The following ABI1 variants were observed in gnomAD, a reference collection of about 807,000 sequenced individuals.
ABI1 encodes the protein Abelson interactor 1.
ABI1 carries 14 observed loss-of-function variants against 54.6 expected under a neutral mutation model. The ratio of observed to expected loss-of-function variants is 0.26; its 90% CI spans 0.17 to 0.40. The LOEUF is 0.40. Ranked by LOEUF, ABI1 falls within the 10% of genes least tolerant of loss-of-function variation. ABI1 has a pLI of 1.00. For synonymous variants in ABI1, 194 were observed against 209.3 expected (o/e 0.93, Z 0.63); for missense variants, 443 against 598.3 (o/e 0.74, Z 2.71).
In ABI1 at chr10:26,805,725, G is replaced by A. The variant is rs138177148; in HGVS notation, c.285+17413C>T. 4.5e-3 allele frequency among the ~76,000 whole-genome samples: 682 copies of A among 152,228 alleles called. 1 individual carries two copies. The highest frequency in any genetic ancestry group is 6.5e-3 in the Non-Finnish European group (444 of 68,014). On this transcript the variant is annotated intron_variant, in intron 2 of 10. Coordinates refer to ENST00000376140, the MANE Select transcript of ABI1 (RefSeq NM_001012750.3). ...TTTCCTTTGATTCAGGGCATATCAC[G>A]TCAGTCTGCCATCTGATGGTTCAGG...
intron 9 of ABI1, among the ~76,000 whole-genome samples, chr10:26,755,314 C>T (rs1229521331): frequency 6.6e-6 from 1 of 152,104 alleles, no homozygotes; most frequent in African/African-American, 2.4e-5. Context: ...TTAAAAATGT[C>T]TTCTAATTCT....
At chr10:26,754,145 C>G (rs1837974862) in intron 9 of ABI1, among the ~76,000 whole-genome samples, 1 of 152,114 alleles carries the variant, frequency 6.6e-6, no homozygotes, top group Non-Finnish European at 1.5e-5. Context: ...TCTATCCATC[C>G]ATCCATGCAT....
At chr10:26,841,133 G>A (rs1033966166) in intron 1 of ABI1, among the ~76,000 whole-genome samples, 8 of 152,092 alleles carry the variant, frequency 5.3e-5, no homozygotes, top group African/African-American at 1.9e-4. Context: ...GGCATGCAAA[G>A]CCTAAAATAT....
At chr10:26,817,019 T>TGTGTGA (rs747556215) in intron 2 of ABI1, among the ~76,000 whole-genome samples, 1 of 150,798 alleles carries the variant, frequency 6.6e-6, no homozygotes, top group Admixed American at 6.6e-5. Flanking sequence ...TGTGTGTGTG[T>TGTGTGA]GACGGAGTCT....
At position 26,860,714 on chromosome 10, in the gene ABI1, G is replaced by C. The variant is rs2051241690; in HGVS notation, c.117+33C>G. The C allele has an allele frequency of 1.3e-6, 2 of 1,583,910 alleles. No homozygotes were observed. The highest frequency in any genetic ancestry group is 1.3e-5 in the African/African-American group (1 of 74,326). On this transcript the variant is annotated intron_variant, in intron 1 of 10. Transcript: ENST00000376140. The surrounding 1 kb of genome is among the most constrained non-coding windows in gnomAD (Gnocchi z 4.1). ...GGTCACTCCGGCGGGTCCTCGACCC[G>C]GCCAGCGCCCGCCGGCCGCCAGAGC...
At chr10:26,753,844 A>T (rs1837933954) in intron 9 of ABI1, among the ~76,000 whole-genome samples, 1 of 152,196 alleles carries the variant, frequency 6.6e-6, no homozygotes, top group East Asian at 1.9e-4. Flanking sequence ...TATGTTTGGT[A>T]AAAAGAACTA....
rs78592141 is a variant in ABI1, at chr10:26,752,805, A to G, written c.1085-1022T>C. The stretch of plus-strand genomic sequence containing the variant: ...TCAGGTAAAAATGCTCCTAAAATTT[A>G]AAGAATTCAAAGCTGGAACCCAATT... On this transcript the variant is annotated intron_variant, in intron 9 of 10. Coordinates refer to ENST00000376140, the MANE Select transcript of ABI1 (RefSeq NM_001012750.3). Among the ~76,000 whole-genome samples, 312 of 152,302 alleles carry G rather than the reference A, an allele frequency of 2.0e-3. 3 individuals carry two copies. The highest frequency in any genetic ancestry group is 7.3e-3 in the African/African-American group (303 of 41,578).
intron 2 of ABI1, among the ~76,000 whole-genome samples, chr10:26,809,706 T>C (rs535164003): frequency 1.3e-4 from 20 of 152,336 alleles, no homozygotes; most frequent in Admixed American, 6.5e-5. Context: ...GGACACTAAT[T>C]AATGTTACTT....
At chr10:26,819,094 A>T (rs945265090) in intron 2 of ABI1, among the ~76,000 whole-genome samples, 2 of 152,234 alleles carry the variant, frequency 1.3e-5, no homozygotes, top group African/African-American at 4.8e-5. Context: ...AAGTAATAGC[A>T]TAGTCTACCT....
intron 2 of ABI1, among the ~76,000 whole-genome samples, chr10:26,794,606 C>T (rs1350797520): frequency 6.6e-6 from 1 of 150,582 alleles, no homozygotes; most frequent in Non-Finnish European, 1.5e-5. Flanking sequence ...GATGTAAAAA[C>T]AAGCAAAAAA....
intron 7 of ABI1, chr10:26,763,917 T>G (rs758537942): frequency 6.2e-7 from 1 of 1,613,312 alleles, no homozygotes; most frequent in South Asian, 1.1e-5. Context: ...GTGCCAGAGG[T>G]GGTGCTGGTG....
intron 8 of ABI1, among the ~76,000 whole-genome samples, chr10:26,758,386 T>A (rs1838627918): frequency 6.6e-6 from 1 of 152,138 alleles, no homozygotes; most frequent in South Asian, 2.1e-4. Context: ...ATATGGAAAG[T>A]GATATTAATG....
intron 7 of ABI1, among the ~76,000 whole-genome samples, chr10:26,764,623 C>G (rs1213585520): frequency 6.6e-6 from 1 of 152,180 alleles, no homozygotes; most frequent in African/African-American, 2.4e-5. Flanking sequence ...CCCTCCATAT[C>G]CATGGGTTCC....
At chr10:26,802,172 G>A (rs527782901) in intron 2 of ABI1, among the ~76,000 whole-genome samples, 1 of 152,336 alleles carries the variant, frequency 6.6e-6, no homozygotes, top group Non-Finnish European at 1.5e-5. Flanking sequence ...GAAGTTAAAA[G>A]TCTAAGAAGA....
At chr10:26,785,539 T>C (rs778607499) in intron 2 of ABI1, among the ~76,000 whole-genome samples, 1 of 152,096 alleles carries the variant, frequency 6.6e-6, no homozygotes, top group Non-Finnish European at 1.5e-5. Flanking sequence ...CTGGCCAACA[T>C]GGTGAAATTC....
chr10:26,791,081 A>C (rs975411269), intron 2 of ABI1, among the ~76,000 whole-genome samples: 1 of 151,434 alleles, frequency 6.6e-6, no homozygotes. Flanking sequence ...AAAAAAAAAA[A>C]AAAAAAAAAA....
intron 2 of ABI1, among the ~76,000 whole-genome samples, chr10:26,779,631 A>C (rs893271628): frequency 6.6e-6 from 1 of 152,208 alleles, no homozygotes; most frequent in Non-Finnish European, 1.5e-5. Flanking sequence ...TTGGAAGAGG[A>C]GGGGCATGTA....
chr10:26,822,163 TA>T, intron 2 of ABI1, among the ~76,000 whole-genome samples: 1 of 151,702 alleles, frequency 6.6e-6, no homozygotes, highest in East Asian at 1.9e-4. Flanking sequence ...TTAATAGACA[TA>T]TATATATATA....
intron 1 of ABI1, among the ~76,000 whole-genome samples, chr10:26,848,209 A>G (rs1185728102): frequency 1.3e-5 from 2 of 150,128 alleles, no homozygotes; most frequent in Non-Finnish European, 3.0e-5. Context: ...TCAAAAAAAA[A>G]AAAAAAAAAA....
Sources: gnomAD v4.1 joint callset for allele counts (sites outside exome capture counted in the v4.1 genomes callset) on GRCh38, gnomAD v4.1.1 for gene constraint, Gnocchi (gnomAD v3.1) non-coding constraint, MANE v1.5 for transcripts, NCBI Gene and HGNC (gene_info 2026-07-23, HGNC 2026-07-21) for gene names.